The following ADAMTS15 variants were observed in gnomAD, a reference collection of about 807,000 sequenced individuals.
ADAMTS15 encodes ADAM metallopeptidase with thrombospondin type 1 motif 15.
In ADAMTS15, 35 loss-of-function variants were observed where a neutral mutation model predicts 79.1. The observed-to-expected ratio is 0.44, with a 90% CI of 0.34 to 0.59. ADAMTS15 has a LOEUF of 0.59. Among genes scored for constraint, ADAMTS15 ranks in the 20% least tolerant of loss-of-function variants. The pLI, the probability that ADAMTS15 is intolerant of heterozygous loss-of-function variation, is 0.02. For missense variants in ADAMTS15, 1,324 were observed against 1,318.7 expected (o/e 1.00, Z -0.06); for synonymous variants, 616 against 567.3 (o/e 1.09, Z -1.22).
chr11:130,462,892 C>T lies in ADAMTS15; in HGVS notation c.1542+112C>T, dbSNP rs546686815. ...GAAGGTGCCTATCACAGACTGGCCA[C>T]GGGACCAGCACTGTTGCATGGCTGA... On this transcript the variant is annotated intron_variant, in intron 4 of 7. Coordinates refer to ENST00000299164, the MANE Select transcript of ADAMTS15 (RefSeq NM_139055.4). This position sits in a 1 kb window ranked among gnomAD's most constrained non-coding sequence, Gnocchi z 4.3. 32 of 1,415,582 alleles carry T rather than the reference C, an allele frequency of 2.3e-5. No homozygotes were observed. The highest frequency in any genetic ancestry group is 5.7e-5 in the African/African-American group (4 of 70,218). The allele number at this position is 1,415,582 out of a possible 1,614,324, so 87.7% of individuals were successfully genotyped here. A position where few individuals can be genotyped will look rare whatever the true frequency, so the allele number is the denominator to read the frequency against.
rs1458240069 is a variant in ADAMTS15, at chr11:130,471,040, A to G, written c.1841A>G (p.Asp614Gly). ...AAGTACTCCGGCGTGTCTCCCCGGG[A>G]CAAGTGCAAGCTCATCTGCCGAGCC... The part of the protein sequence containing the change: ...VPKYSGVSPR[D>G]KCKLICRANG... The change falls in exon 6 of 8, where the codon GAC (aspartate) becomes GGC (glycine). Residue 614 changes from aspartate to glycine, a missense_variant. Physicochemically the swap from Asp to Gly is moderately conservative, Grantham distance 94. Transcript: ENST00000299164. The G allele has an allele frequency of 6.2e-7, 1 of 1,613,850 alleles. No homozygotes were observed. The highest frequency in any genetic ancestry group is 1.7e-5 in the Admixed American group (1 of 60,026).
At chr11:130,470,194 A>ACG (rs1938418380) in intron 5 of ADAMTS15, among the ~76,000 whole-genome samples, 1 of 56,230 alleles carries the variant, frequency 1.8e-5, no homozygotes. Flanking sequence ...GTGTATATAT[A>ACG]TATATATATA....
chr11:130,461,681 G>A (rs1475307558), intron 2 of ADAMTS15, 60 bp downstream of exon 2: 4 of 1,603,194 alleles, frequency 2.5e-6, no homozygotes, highest in Non-Finnish European at 3.4e-6. Context: ...CCTGGAGGGT[G>A]GGAGACGTGT....
chr11:130,449,508 G>A lies in ADAMTS15; in HGVS notation c.535G>A (p.Gly179Ser). 6.4e-7 allele frequency: 1 copy of A among 1,556,938 alleles called. No individual in the cohort carries two copies. Among genetic ancestry groups the A allele is most frequent in the Non-Finnish European group, 8.7e-7 (1 of 1,153,238 alleles). The change falls in exon 1 of 8, where the codon GGC (glycine) becomes AGC (serine). Residue 179 changes from glycine to serine, a missense_variant. Physicochemically the swap from Gly to Ser is moderately conservative, Grantham distance 56. Transcript: ENST00000299164. The surrounding 1 kb of genome is among the most constrained non-coding windows in gnomAD (Gnocchi z 7.8). Reference protein sequence around the residue: ...DPTSRCGVASGWNPAILRALD... With the variant: ...DPTSRCGVASSWNPAILRALD... ...CACCTCTCGCTGCGGGGTGGCCTCG[G>A]GCTGGAACCCCGCCATCCTACGGGC...
Position 130,462,830 on chromosome 11 carries a change from A to C in ADAMTS15, c.1542+50A>C. The C allele has an allele frequency of 1.3e-6, 2 of 1,540,356 alleles. No homozygotes were observed. Among genetic ancestry groups the C allele is most frequent in the Non-Finnish European group, 1.8e-6 (2 of 1,138,598 alleles). Reference sequence around the variant, plus strand: ...CGGGGACTGCTGGGAGGAGGGATGGAGACCCGGGGGCCTCGTCTGCCCTTG... The same window carrying C: ...CGGGGACTGCTGGGAGGAGGGATGGCGACCCGGGGGCCTCGTCTGCCCTTG... On this transcript the variant is annotated intron_variant, in intron 4 of 7. Coordinates refer to ENST00000299164, the MANE Select transcript of ADAMTS15 (RefSeq NM_139055.4). The surrounding 1 kb of genome is among the most constrained non-coding windows in gnomAD (Gnocchi z 4.3).
At chr11:130,466,853 G>A (rs1196018547) in intron 4 of ADAMTS15, among the ~76,000 whole-genome samples, 1 of 152,088 alleles carries the variant, frequency 6.6e-6, no homozygotes, top group African/African-American at 2.4e-5. Context: ...CCCTCTGCTT[G>A]GAATGCCCTT....
chr11:130,466,318 A>C (rs1322946890), intron 4 of ADAMTS15, among the ~76,000 whole-genome samples: 1 of 152,214 alleles, frequency 6.6e-6, no homozygotes, highest in Non-Finnish European at 1.5e-5. Flanking sequence ...TTGCATCTTC[A>C]GTCCAGGCCT....
In ADAMTS15 at chr11:130,472,678, ACCC is replaced by A. The variant is rs71061392; in HGVS notation, c.2079-367_2079-365del. 6.8e-3 allele frequency among the ~76,000 whole-genome samples: 698 copies of A among 102,660 alleles called. 10 individuals carry two copies. Among genetic ancestry groups the A allele is most frequent in the Non-Finnish European group, 5.5e-3 (294 of 53,618 alleles). The allele number at this position is 102,660 out of a possible 152,430, so 67.3% of individuals were successfully genotyped here. A position where few individuals can be genotyped will look rare whatever the true frequency, so the allele number is the denominator to read the frequency against. On this transcript the variant is annotated intron_variant, in intron 7 of 7. Transcript: ENST00000299164. This position sits in a 1 kb window ranked among gnomAD's most constrained non-coding sequence, Gnocchi z 4.7. Reference sequence around the variant, plus strand: ...ATGGTGGACTTACTCCTCCCGCCCCACCCCTCCTCCTCCTCCTCCTCCTCCTCC... The same window carrying A: ...ATGGTGGACTTACTCCTCCCGCCCCACTCCTCCTCCTCCTCCTCCTCCTCC...
rs1938422859 is a variant in ADAMTS15, at chr11:130,470,212, A to ATATATATATATACATGTG, written c.1721-696_1721-695insCATGTGTATATATATATA. Among the ~76,000 whole-genome samples the ATATATATATATACATGTG allele has an allele frequency of 4.0e-3, 210 of 52,276 alleles. 6 individuals are homozygous for ATATATATATATACATGTG. Among genetic ancestry groups the ATATATATATATACATGTG allele is most frequent in the Middle Eastern group, 9.6e-3 (1 of 104 alleles). 34.3% of individuals were successfully genotyped at this position (52,276 alleles called of 152,430 possible). ...TATATATATATATATATATATATGT[A>ATATATATATATACATGTG]TATATATATATATTTTCTGAGGTAG... On this transcript the variant is annotated intron_variant, in intron 5 of 7. Transcript: ENST00000299164.
In ADAMTS15 at chr11:130,473,083, C is replaced by T. The variant is rs372344949; in HGVS notation, c.2115C>T (p.Gly705=). 4.3e-5 allele frequency: 69 copies of T among 1,613,732 alleles called. No individual in the cohort carries two copies. In the Middle Eastern group the frequency reaches 4.9e-4, roughly 12 times the overall value. Residue 705 remains glycine, a synonymous_variant, in exon 8 of 8, where the codon GGC becomes GGT. Transcript: ENST00000299164. ...GYNFVVAIPA[G]ASSIDIRQRG... is the part of the protein sequence containing the mutation. Reference sequence around the variant, plus strand: ...ATTTCGTGGTGGCCATCCCCGCAGGCGCCTCAAGCATCGACATCCGCCAGC... The same window carrying T: ...ATTTCGTGGTGGCCATCCCCGCAGGTGCCTCAAGCATCGACATCCGCCAGC...
chr11:130,462,517 C>G lies in ADAMTS15; in HGVS notation c.1279C>G (p.Pro427Ala), dbSNP rs775102030. ...TGCAGGTGACTGCCTCCTGGACCAA[C>G]CCAGCAAGCCCATCTCCCTGCCCGA... ...SGHGDCLLDQ[P>A]SKPISLPEDL... is the part of the protein sequence containing the mutation. The change falls in exon 4 of 8, where the codon CCC (proline) becomes GCC (alanine). Residue 427 changes from proline to alanine, a missense_variant. By Grantham distance (27) the Pro-to-Ala change is conservative. Coordinates refer to ENST00000299164, the MANE Select transcript of ADAMTS15 (RefSeq NM_139055.4). This position sits in a 1 kb window ranked among gnomAD's most constrained non-coding sequence, Gnocchi z 4.3. 3.1e-6 allele frequency: 5 copies of G among 1,599,738 alleles called. No homozygotes were observed. The highest frequency in any genetic ancestry group is 4.3e-6 in the Non-Finnish European group (5 of 1,169,982).
chr11:130,465,008 T>C (rs886897948), intron 4 of ADAMTS15, among the ~76,000 whole-genome samples: 9 of 151,584 alleles, frequency 5.9e-5, no homozygotes, highest in African/African-American at 1.9e-4. Flanking sequence ...GTAAAATAAA[T>C]TGATGACCCA....
chr11:130,450,046 A>G (rs1937930677), intron 1 of ADAMTS15, 116 bp downstream of exon 1: 1 of 1,505,576 alleles, frequency 6.6e-7, no homozygotes, highest in Non-Finnish European at 8.8e-7. Context: ...AACCTCGTTG[A>G]TCTCTTCCGA....
At position 130,454,349 on chromosome 11, in the gene ADAMTS15, T is replaced by C. The variant is rs79189730; in HGVS notation, c.957+4419T>C. Reference sequence around the variant, plus strand: ...TTCTTGTTTTGACCTTGAGCAGTACTGTGTTTCATTGGGGATGCCCTACAC... The same window carrying C: ...TTCTTGTTTTGACCTTGAGCAGTACCGTGTTTCATTGGGGATGCCCTACAC... On this transcript the variant is annotated intron_variant, in intron 1 of 7. Coordinates refer to ENST00000299164, the MANE Select transcript of ADAMTS15 (RefSeq NM_139055.4). Among the ~76,000 whole-genome samples, 58 of 152,342 alleles carry C rather than the reference T, an allele frequency of 3.8e-4. No individual in the cohort carries two copies. In the East Asian group the frequency reaches 0.011, roughly 28 times the overall value.
Position 130,449,246 on chromosome 11 carries a change from C to A in ADAMTS15, c.273C>A (p.Leu91=). The A allele has an allele frequency of 6.2e-7, 1 of 1,613,634 alleles. No homozygotes were observed. Among genetic ancestry groups the A allele is most frequent in the South Asian group, 1.1e-5 (1 of 91,090 alleles). The change falls in exon 1 of 8, where the codon CTC becomes CTA. Residue 91 remains leucine, a synonymous_variant. Transcript: ENST00000299164. This position sits in a 1 kb window ranked among gnomAD's most constrained non-coding sequence, Gnocchi z 7.8. ...ATCTGGGCGTCCCCCTCCAGGGGCTCACCGGGGGCTCTTCAGACCTGCGAC... is the reference window on the plus strand; with the variant it reads ...ATCTGGGCGTCCCCCTCCAGGGGCTAACCGGGGGCTCTTCAGACCTGCGAC... The part of the protein sequence containing the change: ...TEHLGVPLQG[L]TGGSSDLRRC...
In ADAMTS15 at chr11:130,474,411, G is replaced by A. The variant is rs1368959728; in HGVS notation, c.*590G>A. The A allele has an allele frequency of 1.3e-5, 2 of 152,778 alleles. No homozygotes were observed. Among genetic ancestry groups the A allele is most frequent in the Non-Finnish European group, 2.9e-5 (2 of 68,492 alleles). The allele number at this position is 152,778 out of a possible 1,614,324, so 9.5% of individuals were successfully genotyped here. On this transcript the variant is annotated 3_prime_UTR_variant, in exon 8 of 8. Coordinates refer to ENST00000299164, the MANE Select transcript of ADAMTS15 (RefSeq NM_139055.4). ...CCTTGGAAGACGTGGACGTGCACAG[G>A]GAGTCCCGAGGTTTCTCATCCTGCA...
At chr11:130,454,508 A>G (rs777266432) in intron 1 of ADAMTS15, among the ~76,000 whole-genome samples, 18 of 152,238 alleles carry the variant, frequency 1.2e-4, no homozygotes, top group Admixed American at 3.3e-4. Flanking sequence ...GATAATACGT[A>G]TGTTACACAT....
At chr11:130,450,051 TTCCGAC>T in intron 1 of ADAMTS15, 121 bp downstream of exon 1, 2 of 1,498,620 alleles carry the variant, frequency 1.3e-6, no homozygotes, top group East Asian at 4.6e-5. Flanking sequence ...CGTTGATCTC[TTCCGAC>T]TCCAACTCTG....
intron 1 of ADAMTS15, among the ~76,000 whole-genome samples, chr11:130,455,262 T>C (rs1200591670): frequency 6.6e-6 from 1 of 152,192 alleles, no homozygotes; most frequent in East Asian, 1.9e-4. Flanking sequence ...CAGTACATGC[T>C]TCTTGTTGAA....
Sources: gnomAD v4.1 joint callset for allele counts (sites outside exome capture counted in the v4.1 genomes callset) on GRCh38, gnomAD v4.1.1 for gene constraint, Gnocchi (gnomAD v3.1) non-coding constraint, MANE v1.5 for transcripts, NCBI Gene and HGNC (gene_info 2026-07-23, HGNC 2026-07-21) for gene names.